AHI1: variants seen among roughly 807,000 people sequenced by gnomAD.
AHI1 encodes jouberin.
Under a neutral mutation model 149.3 loss-of-function variants are expected in AHI1, and 123 were observed. The observed-to-expected ratio is 0.82, with a 90% CI of 0.71 to 0.96. The LOEUF is 0.96. Ranked by LOEUF, AHI1 falls within the 40% of genes least tolerant of loss-of-function variation. The pLI is 0.00. For synonymous variants in AHI1, 475 were observed against 459.8 expected, an observed-to-expected ratio of 1.03 and a Z score of -0.42; for missense variants, 1,439 against 1,422.7, an observed-to-expected ratio of 1.01 and a Z score of -0.18.
chr6:135,376,896 A>G lies in AHI1; in HGVS notation c.3109+17880T>C, dbSNP rs956362301. On this transcript the variant is annotated intron_variant, in intron 23 of 28. Transcript: ENST00000265602. Reference sequence around the variant, plus strand: ...GACTCCATCTCAAAAAAAAAAAAAAAAAAAAAAAAAAAAAAAAAAAAAAAA... The same window carrying G: ...GACTCCATCTCAAAAAAAAAAAAAAGAAAAAAAAAAAAAAAAAAAAAAAAA... Among the ~76,000 whole-genome samples, 102 of 135,796 alleles carry G rather than the reference A, an allele frequency of 7.5e-4. 1 individual carries two copies. The highest frequency in any genetic ancestry group is 9.2e-4 in the Non-Finnish European group (59 of 64,258). 89.1% of individuals were successfully genotyped at this position (135,796 alleles called of 152,430 possible).
chr6:135,480,375 T>C (rs1342206642), intron 5 of AHI1, among the ~76,000 whole-genome samples: 1 of 152,016 alleles, frequency 6.6e-6, no homozygotes, highest in East Asian at 1.9e-4. Flanking sequence ...GGAGAATTGC[T>C]TAAGCCCAGG....
At chr6:135,412,118 G>T (rs1301373887) in intron 20 of AHI1, among the ~76,000 whole-genome samples, 1 of 151,662 alleles carries the variant, frequency 6.6e-6, no homozygotes, top group Admixed American at 6.6e-5. Flanking sequence ...TTGGTCCACT[G>T]TATCTGTGGC....
chr6:135,308,617 T>C (rs917383901), intron 26 of AHI1, among the ~76,000 whole-genome samples: 1 of 152,222 alleles, frequency 6.6e-6, no homozygotes, highest in African/African-American at 2.4e-5. Flanking sequence ...TATAGTATTC[T>C]CTAAACTAAG....
In AHI1 at chr6:135,490,556, AAATGCAGCCATATCTGC is replaced by A; in HGVS notation, c.135+50_135+66del. 3.8e-6 allele frequency: 6 copies of A among 1,577,352 alleles called. 1 individual carries two copies. Among genetic ancestry groups the A allele is most frequent in the Middle Eastern group, 3.8e-4 (2 of 5,238 alleles). The stretch of plus-strand genomic sequence containing the variant: ...CAAAATTCCTTAGAATTTTAACATA[AAATGCAGCCATATCTGC>A]ATTTTATGCGCATATGTAAATCACT... On this transcript the variant is annotated intron_variant, in intron 5 of 28. Coordinates refer to ENST00000265602, the MANE Select transcript of AHI1 (RefSeq NM_001134831.2).
chr6:135,470,534 T>A (rs1791515847), intron 5 of AHI1, among the ~76,000 whole-genome samples: 1 of 152,108 alleles, frequency 6.6e-6, no homozygotes, highest in Non-Finnish European at 1.5e-5. Flanking sequence ...ACTGCAGCAC[T>A]ACTCACAATA....
chr6:135,407,716 T>G (rs916557567), intron 21 of AHI1, among the ~76,000 whole-genome samples: 1 of 152,114 alleles, frequency 6.6e-6, no homozygotes, highest in African/African-American at 2.4e-5. Context: ...TTTCATTTCT[T>G]AAAAAACATT....
chr6:135,301,903 C>T (rs1477338877), intron 26 of AHI1: 1 of 985,300 alleles, frequency 1.0e-6, no homozygotes, highest in Non-Finnish European at 1.2e-6. Flanking sequence ...CCTCAGAAAG[C>T]ACCATCATAA....
intron 23 of AHI1, among the ~76,000 whole-genome samples, chr6:135,390,356 C>T (rs1226123779): frequency 6.6e-6 from 1 of 152,152 alleles, no homozygotes; most frequent in African/African-American, 2.4e-5. Context: ...ATAGGATGTC[C>T]TCCTTGACAC....
At chr6:135,306,467 T>C (rs1784546736) in intron 26 of AHI1, among the ~76,000 whole-genome samples, 1 of 152,106 alleles carries the variant, frequency 6.6e-6, no homozygotes, top group Non-Finnish European at 1.5e-5. Flanking sequence ...AATCAGCAGC[T>C]TGAGTGAGAA....
At chr6:135,430,476 T>C (rs867554934) in intron 17 of AHI1, among the ~76,000 whole-genome samples, 2 of 152,040 alleles carry the variant, frequency 1.3e-5, no homozygotes, top group South Asian at 2.1e-4. Flanking sequence ...TTAACTAAAA[T>C]TCATGGAAAT....
In AHI1 at chr6:135,387,985, T is replaced by G. The variant is rs752001838; in HGVS notation, c.3109+6791A>C. On this transcript the variant is annotated intron_variant, in intron 23 of 28. Coordinates refer to ENST00000265602, the MANE Select transcript of AHI1 (RefSeq NM_001134831.2). ...TCTGGCTGGCTGACCCTGAGTCTAG[T>G]GCTTTTTCCACCATAATATACATGT... 52 of 1,613,696 alleles carry G rather than the reference T, an allele frequency of 3.2e-5. 1 individual carries two copies. In the Middle Eastern group the frequency reaches 6.6e-4, roughly 20 times the overall value.
intron 27 of AHI1, among the ~76,000 whole-genome samples, chr6:135,298,336 A>C (rs1335960731): frequency 3.3e-5 from 5 of 151,876 alleles, no homozygotes; most frequent in Admixed American, 6.6e-5. Flanking sequence ...TCAAAAAAAA[A>C]AAAAAACAAA....
intron 26 of AHI1, chr6:135,300,936 T>C (rs1462164118): frequency 2.0e-6 from 2 of 991,796 alleles, no homozygotes; most frequent in Non-Finnish European, 2.4e-6. Context: ...ATATTCTTTA[T>C]AGTATACTCT....
At position 135,363,923 on chromosome 6, in the gene AHI1, G is replaced by T. The variant is rs1396452083; in HGVS notation, c.3110-5736C>A. Among the ~76,000 whole-genome samples, 5 of 149,300 alleles carry T rather than the reference G, an allele frequency of 3.3e-5. No homozygotes were observed. In the East Asian group the frequency reaches 1.0e-3, roughly 30 times the overall value. ...CCCCCCCACCTCCCTCCCGGATGGGGCGGCTGGCCGGGCGGGGGGCTGACC... is the reference window on the plus strand; with the variant it reads ...CCCCCCCACCTCCCTCCCGGATGGGTCGGCTGGCCGGGCGGGGGGCTGACC... On this transcript the variant is annotated intron_variant, in intron 23 of 28. Coordinates refer to ENST00000265602, the MANE Select transcript of AHI1 (RefSeq NM_001134831.2).
chr6:135,412,072 AT>A (rs979974941), intron 20 of AHI1, among the ~76,000 whole-genome samples: 51 of 150,190 alleles, frequency 3.4e-4, no homozygotes, highest in African/African-American at 1.0e-3. Flanking sequence ...AAGCACCGTA[AT>A]TTTTTTTTTA....
chr6:135,393,643 T>C (rs909483795), intron 23 of AHI1, among the ~76,000 whole-genome samples: 13 of 152,128 alleles, frequency 8.5e-5, no homozygotes, highest in African/African-American at 2.9e-4. Context: ...TTTCTAAGGT[T>C]TGAGATAACT....
chr6:135,383,049 G>A (rs972787152), intron 23 of AHI1, among the ~76,000 whole-genome samples: 4 of 145,980 alleles, frequency 2.7e-5, no homozygotes, highest in South Asian at 2.1e-4. Context: ...TGAAATATGC[G>A]AAAACAAGTA....
At chr6:135,399,926 CA>C (rs1313591116) in intron 22 of AHI1, among the ~76,000 whole-genome samples, 1 of 151,836 alleles carries the variant, frequency 6.6e-6, no homozygotes, top group African/African-American at 2.4e-5. Flanking sequence ...CTTTTAGGTC[CA>C]GGGGTGCATG....
rs528769204 is a variant in AHI1 at position 135,314,165 on chromosome 6, T to C, written c.3426+4354A>G. On this transcript the variant is annotated intron_variant, in intron 26 of 28. Coordinates refer to ENST00000265602, the MANE Select transcript of AHI1 (RefSeq NM_001134831.2). ...TCTGTGTAACCCCCAAATTCATGTGTTAAAATCCTAACTCTCAACAAGATG... is the reference window on the plus strand; with the variant it reads ...TCTGTGTAACCCCCAAATTCATGTGCTAAAATCCTAACTCTCAACAAGATG... Among the ~76,000 whole-genome samples the C allele has an allele frequency of 7.2e-5, 11 of 152,360 alleles. No homozygotes were observed. The South Asian group carries it at 2.3e-3, about 32-fold the overall frequency.
Sources: allele counts gnomAD v4.1 joint callset (sites outside exome capture counted in the v4.1 genomes callset), GRCh38; gene constraint gnomAD v4.1.1; transcripts MANE v1.5; gene names NCBI Gene and HGNC (gene_info 2026-07-23, HGNC 2026-07-21).